Variants in CFAP221 observed in about 807,000 individuals in gnomAD.
The protein encoded by CFAP221 is cilia and flagella associated protein 221.
A neutral mutation model predicts 113.1 loss-of-function variants in CFAP221; 97 were observed. The ratio of observed to expected loss-of-function variants is 0.86; its 90% CI spans 0.73 to 1.02. The LOEUF is 1.02. Among genes scored for constraint, CFAP221 ranks in the 50% least tolerant of loss-of-function variants. The pLI is 0.00. For synonymous variants in CFAP221, 331 were observed against 354.4 expected (o/e 0.93, Z 0.74); for missense variants, 1,025 against 1,013.4 (o/e 1.01, Z -0.16).
intron 22 of CFAP221, among the ~76,000 whole-genome samples, chr2:119,651,123 C>T (rs1353191522): frequency 6.6e-6 from 1 of 152,164 alleles, no homozygotes; most frequent in Non-Finnish European, 1.5e-5. Flanking sequence ...AGATACAGCC[C>T]ATTCCTGAGG....
At chr2:119,623,314 A>G (rs1245517539) in intron 14 of CFAP221, among the ~76,000 whole-genome samples, 1 of 152,084 alleles carries the variant, frequency 6.6e-6, no homozygotes, top group Non-Finnish European at 1.5e-5. Flanking sequence ...TACAAGGGAT[A>G]TGAAGGACCT....
At chr2:119,658,581 A>G (rs1399108616), downstream of CFAP221, among the ~76,000 whole-genome samples, 2 of 152,126 alleles carry the variant, frequency 1.3e-5, no homozygotes, top group African/African-American at 2.4e-5. Flanking sequence ...GGCCAGAGCT[A>G]GAAAATACAA....
At chr2:119,560,939 G>A (rs1358041492) in intron 5 of CFAP221, among the ~76,000 whole-genome samples, 2 of 152,024 alleles carry the variant, frequency 1.3e-5, no homozygotes, top group African/African-American at 4.8e-5. Context: ...TTTAGATCAA[G>A]AAGCACATTT....
downstream of CFAP221, among the ~76,000 whole-genome samples, chr2:119,657,610 G>A (rs141741465): frequency 0.014 from 2,137 of 152,232 alleles, 21 homozygotes; most frequent in Non-Finnish European, 0.021. Flanking sequence ...CATCTCCTGC[G>A]TGACAATGAT....
intron 20 of CFAP221, among the ~76,000 whole-genome samples, chr2:119,638,640 C>T (rs188043265): frequency 6.6e-6 from 1 of 152,268 alleles, no homozygotes; most frequent in East Asian, 1.9e-4. Context: ...TGCCTGCTAC[C>T]CTTTGTCAAC....
At chr2:119,620,507 G>A (rs1404616263) in intron 14 of CFAP221, among the ~76,000 whole-genome samples, 1 of 152,150 alleles carries the variant, frequency 6.6e-6, no homozygotes, top group East Asian at 1.9e-4. Context: ...CATAAGTGAA[G>A]GAGAAATAAA....
At chr2:119,573,783 A>G (rs1290662989) in intron 6 of CFAP221, among the ~76,000 whole-genome samples, 3 of 152,216 alleles carry the variant, frequency 2.0e-5, no homozygotes. Flanking sequence ...TTAATTTAAT[A>G]TACCTTTGCT....
intron 19 of CFAP221, 153 bp downstream of exon 19, chr2:119,631,054 A>G (rs1686741628): frequency 1.0e-5 from 14 of 1,368,582 alleles, no homozygotes; most frequent in Non-Finnish European, 1.3e-5. Context: ...GCCAACCTTT[A>G]TTTTTTGGAG....
chr2:119,598,199 G>A (rs920758973), intron 7 of CFAP221, among the ~76,000 whole-genome samples: 2 of 152,258 alleles, frequency 1.3e-5, no homozygotes, highest in South Asian at 4.2e-4. Context: ...CTGGACATGG[G>A]AAAGAAGAAA....
intron 16 of CFAP221, 47 bp downstream of exon 16, chr2:119,627,833 C>T (rs373644761): frequency 3.7e-5 from 60 of 1,605,838 alleles, no homozygotes; most frequent in Middle Eastern, 1.8e-4. Flanking sequence ...TGATCATGAT[C>T]GTGTTGGGCA....
chr2:119,604,409 G>C lies in CFAP221; in HGVS notation c.792-263G>C, dbSNP rs186305303. Among the ~76,000 whole-genome samples, 544 of 152,086 alleles carry C rather than the reference G, an allele frequency of 3.6e-3. 5 individuals carry two copies. The highest frequency in any genetic ancestry group is 0.012 in the African/African-American group (510 of 41,452). On this transcript the variant is annotated intron_variant, in intron 8 of 23. Coordinates refer to ENST00000413369, the MANE Select transcript of CFAP221 (RefSeq NM_001271049.2). ...TGATCATGCCACTGCATTCCAGCCT[G>C]GTGACAGAGTGAGACTCCATCTCAA...
chr2:119,639,913 C>T, intron 21 of CFAP221, 41 bp downstream of exon 21: 1 of 1,496,558 alleles, frequency 6.7e-7, no homozygotes, highest in Middle Eastern at 1.7e-4. Context: ...TATGTGTGCC[C>T]CATGTATTAC....
intron 6 of CFAP221, chr2:119,573,156 A>G (rs932377046): frequency 2.0e-5 from 3 of 152,596 alleles, no homozygotes; most frequent in African/African-American, 4.8e-5. Context: ...GCCCCCACGT[A>G]GACAGCCCCC....
intron 6 of CFAP221, among the ~76,000 whole-genome samples, chr2:119,573,908 G>A (rs1354923099): frequency 1.3e-5 from 2 of 152,018 alleles, no homozygotes; most frequent in Non-Finnish European, 2.9e-5. Flanking sequence ...ATAATAAAAG[G>A]GCCTACATAT....
Position 119,559,723 on chromosome 2 carries a change from T to C in CFAP221, c.275T>C (p.Val92Ala), listed in dbSNP as rs1681086055. The C allele has an allele frequency of 6.5e-7, 1 of 1,532,806 alleles. No homozygotes were observed. The highest frequency in any genetic ancestry group is 2.0e-5 in the Admixed American group (1 of 50,984). 95.0% of individuals were successfully genotyped at this position (1,532,806 alleles called of 1,614,324 possible). Reference sequence around the variant, plus strand: ...AATGTTTCCAATGAAGACACACGTGTTCATATTTTACCCCCGCAAACCAAA... The same window carrying C: ...AATGTTTCCAATGAAGACACACGTGCTCATATTTTACCCCCGCAAACCAAA... Reference protein sequence around the residue: ...LVNVSNEDTRVHILPPQTKYF... With the variant: ...LVNVSNEDTRAHILPPQTKYF... Residue 92 changes from valine (V) to alanine (A), a missense_variant, in exon 4 of 24, where the codon GTT becomes GCT. Val to Ala is a moderately conservative substitution (Grantham distance 64, BLOSUM62 0). Transcript: ENST00000413369.
Position 119,589,335 on chromosome 2 carries a change from A to G in CFAP221, c.631+2113A>G, listed in dbSNP as rs1011842298. Among the ~76,000 whole-genome samples, 4 of 152,256 alleles carry G rather than the reference A, an allele frequency of 2.6e-5. No homozygotes were observed. In the South Asian group the frequency reaches 6.2e-4, roughly 24 times the overall value. ...ATGGAGAGTGAGTGCAGCTCAGGCA[A>G]TCTTTGTGCTTACTGGTCTCCTGAC... On this transcript the variant is annotated intron_variant, in intron 7 of 23. Coordinates refer to ENST00000413369, the MANE Select transcript of CFAP221 (RefSeq NM_001271049.2).
chr2:119,616,837 T>C lies in CFAP221; in HGVS notation c.1410+1128T>C, dbSNP rs562945598. On this transcript the variant is annotated intron_variant, in intron 14 of 23. Transcript: ENST00000413369. Reference sequence around the variant, plus strand: ...GGCCGTCCTTGTGCACTTTAGTATTTAGGGATCTCCTCGGTGCCATGTGCT... The same window carrying C: ...GGCCGTCCTTGTGCACTTTAGTATTCAGGGATCTCCTCGGTGCCATGTGCT... Among the ~76,000 whole-genome samples, 12 of 152,356 alleles carry C rather than the reference T, an allele frequency of 7.9e-5. 1 individual carries two copies. In the South Asian group the frequency reaches 2.1e-3, roughly 26 times the overall value.
chr2:119,618,406 T>C (rs973688021), intron 14 of CFAP221, among the ~76,000 whole-genome samples: 2 of 152,174 alleles, frequency 1.3e-5, no homozygotes, highest in Non-Finnish European at 2.9e-5. Context: ...TCACTGGGAC[T>C]GTTTAGACAG....
chr2:119,608,521 G>C lies in CFAP221; in HGVS notation c.1153G>C (p.Asp385His), dbSNP rs141884466. 1 of 1,607,560 alleles carries C rather than the reference G, an allele frequency of 6.2e-7. No individual in the cohort carries two copies. Among genetic ancestry groups the C allele is most frequent in the Non-Finnish European group, 8.5e-7 (1 of 1,176,918 alleles). ...HLKWQVHLGK[D>H]PMSFKLKKEL... is the part of the protein sequence containing the mutation. The stretch of plus-strand genomic sequence containing the variant: ...CCCCAGGCAGGTGCACCTTGGTAAA[G>C]ATCCTATGTCTTTTAAACTTAAAAA... Residue 385 changes from aspartate to histidine, a missense_variant, in exon 12 of 24, where the codon GAT becomes CAT. Coordinates refer to ENST00000413369, the MANE Select transcript of CFAP221 (RefSeq NM_001271049.2).
Sources: allele counts gnomAD v4.1 joint callset (sites outside exome capture counted in the v4.1 genomes callset), GRCh38; gene constraint gnomAD v4.1.1; transcripts MANE v1.5; gene names NCBI Gene and HGNC (gene_info 2026-07-23, HGNC 2026-07-21).